PTPRD: variants seen among roughly 807,000 people sequenced by gnomAD.
PTPRD encodes the protein receptor-type tyrosine-protein phosphatase delta.
Under a neutral mutation model 214.5 loss-of-function variants are expected in PTPRD, and 34 were observed. The observed-to-expected ratio is 0.16, with a 90% CI of 0.12 to 0.21. The LOEUF is 0.21. PTPRD is among the 10% of genes least tolerant of loss of function. The pLI is 1.00. For synonymous variants in PTPRD, 1,128 were observed against 845.7 expected (o/e 1.33, Z -5.79); for missense variants, 2,545 against 2,398.7 (o/e 1.06, Z -1.27).
intron 9 of PTPRD, among the ~76,000 whole-genome samples, chr9:9,385,056 G>C (rs1287787372): frequency 1.3e-5 from 2 of 151,944 alleles, no homozygotes; most frequent in African/African-American, 4.8e-5. Context: ...TTTATTTCCT[G>C]ACTGAAGCTC....
intron 10 of PTPRD, among the ~76,000 whole-genome samples, chr9:9,077,274 C>T (rs1011937708): frequency 4.0e-5 from 6 of 151,376 alleles, no homozygotes; most frequent in Non-Finnish European, 8.8e-5. Context: ...TGTCTCTTCA[C>T]TATGTTGAAT....
intron 4 of PTPRD, among the ~76,000 whole-genome samples, chr9:9,962,186 G>A (rs548289234): frequency 6.6e-6 from 1 of 152,000 alleles, no homozygotes; most frequent in Admixed American, 6.6e-5. Context: ...AGCAATGAAG[G>A]CTGAACATAT....
At chr9:9,816,072 A>G (rs142653277) in intron 5 of PTPRD, among the ~76,000 whole-genome samples, 2 of 152,262 alleles carry the variant, frequency 1.3e-5, no homozygotes, top group African/African-American at 2.4e-5. Context: ...TGTGGTCATC[A>G]TTTTACAATA....
At chr9:9,650,117 G>A (rs951419560) in intron 7 of PTPRD, among the ~76,000 whole-genome samples, 3 of 152,086 alleles carry the variant, frequency 2.0e-5, no homozygotes, top group Non-Finnish European at 2.9e-5. Context: ...CCCCCATGCT[G>A]TTCTCACAAC....
intron 3 of PTPRD, among the ~76,000 whole-genome samples, chr9:10,305,400 A>G (rs2096025754): frequency 6.6e-6 from 1 of 150,838 alleles, no homozygotes; most frequent in South Asian, 2.1e-4. Flanking sequence ...AAAAAAAAAA[A>G]AAAGCCAAAA....
intron 45 of PTPRD, among the ~76,000 whole-genome samples, chr9:8,318,767 G>C (rs562609979): frequency 1.3e-5 from 2 of 151,966 alleles, no homozygotes; most frequent in African/African-American, 4.8e-5. Flanking sequence ...TTCAGACAAC[G>C]AAGAACACTA....
chr9:8,983,368 C>G (rs2099323501), intron 11 of PTPRD, among the ~76,000 whole-genome samples: 1 of 152,016 alleles, frequency 6.6e-6, no homozygotes, highest in African/African-American at 2.4e-5. Flanking sequence ...AAAATATACT[C>G]AATTTATAAT....
chr9:9,697,117 T>A (rs1324920155), intron 7 of PTPRD, among the ~76,000 whole-genome samples: 13 of 152,244 alleles, frequency 8.5e-5, no homozygotes, highest in Non-Finnish European at 1.3e-4. Flanking sequence ...TGCCTCAATT[T>A]ACATATTTTT....
chr9:9,282,566 T>C (rs914083575), intron 9 of PTPRD, among the ~76,000 whole-genome samples: 2 of 151,402 alleles, frequency 1.3e-5, no homozygotes, highest in Admixed American at 1.3e-4. Flanking sequence ...GGTTTGATTC[T>C]GACTGCATAA....
At chr9:10,341,144 T>C (rs1033384079) in intron 2 of PTPRD, 127 bp from the exon 3 acceptor site, 6 of 151,916 alleles carry the variant, frequency 3.9e-5, no homozygotes, top group Non-Finnish European at 8.8e-5. Flanking sequence ...AGCAGAGTTG[T>C]TCTGAATAAT....
At position 8,513,437 on chromosome 9, in the gene PTPRD, C is replaced by T. The variant is rs956499470; in HGVS notation, c.1543+4411G>A. On this transcript the variant is annotated intron_variant, in intron 21 of 45. Transcript: ENST00000381196. ...TCCTAAATACTGTTCTTTTGGAATC[C>T]GGTTTCAAACAAAAACAGGAATGTG... Among the ~76,000 whole-genome samples, 46 of 151,828 alleles carry T rather than the reference C, an allele frequency of 3.0e-4. 1 individual carries two copies. Among genetic ancestry groups the T allele is most frequent in the Admixed American group, 1.7e-3 (26 of 15,226 alleles).
chr9:10,207,986 T>G (rs62538584), intron 3 of PTPRD, among the ~76,000 whole-genome samples: 15,525 of 152,260 alleles, frequency 0.1, 899 homozygotes, highest in Non-Finnish European at 0.13. Context: ...TTTGTATTAT[T>G]AACATTTTCC....
intron 10 of PTPRD, among the ~76,000 whole-genome samples, chr9:9,097,575 A>G (rs1290130189): frequency 1.3e-5 from 2 of 151,286 alleles, no homozygotes; most frequent in Non-Finnish European, 2.9e-5. Context: ...TGCCAGGCTA[A>G]TTTTTTTTGT....
At position 10,311,668 on chromosome 9, in the gene PTPRD, G is replaced by C. The variant is rs116809153; in HGVS notation, c.-545+29295C>G. Among the ~76,000 whole-genome samples the C allele has an allele frequency of 3.5e-3, 528 of 152,140 alleles. 3 individuals carry two copies. Among genetic ancestry groups the C allele is most frequent in the African/African-American group, 0.012 (504 of 41,540 alleles). ...AGCACATAAAGCTACCTTTAAAACA[G>C]AAAAGTTAGCATATTTTTTCAGGTT... is the stretch of plus-strand genomic sequence containing the variant. On this transcript the variant is annotated intron_variant, in intron 3 of 45. Coordinates refer to ENST00000381196, the MANE Select transcript of PTPRD (RefSeq NM_002839.4).
chr9:8,925,580 C>G (rs1168677151), intron 11 of PTPRD, among the ~76,000 whole-genome samples: 2 of 109,276 alleles, frequency 1.8e-5, no homozygotes, highest in African/African-American at 7.4e-5. Context: ...CCCCCGCCAA[C>G]CAAGATATTT....
At chr9:10,265,743 T>C (rs928973642) in intron 3 of PTPRD, among the ~76,000 whole-genome samples, 1 of 152,178 alleles carries the variant, frequency 6.6e-6, no homozygotes, top group Non-Finnish European at 1.5e-5. Context: ...ACCTGATCCA[T>C]AGGCAACAGT....
intron 39 of PTPRD, among the ~76,000 whole-genome samples, chr9:8,357,070 T>C (rs1251964520): frequency 6.6e-6 from 1 of 152,186 alleles, no homozygotes; most frequent in African/African-American, 2.4e-5. Flanking sequence ...ATATCTATTT[T>C]ACATAAGCTA....
At chr9:9,677,372 G>A (rs2096955527) in intron 7 of PTPRD, among the ~76,000 whole-genome samples, 1 of 151,806 alleles carries the variant, frequency 6.6e-6, no homozygotes, top group South Asian at 2.1e-4. Flanking sequence ...CCAGCACCAT[G>A]ATCAAGTGGG....
chr9:10,133,614 T>TA (rs1249744922), intron 3 of PTPRD, among the ~76,000 whole-genome samples: 1 of 152,150 alleles, frequency 6.6e-6, no homozygotes, highest in Non-Finnish European at 1.5e-5. Flanking sequence ...GACTATATAG[T>TA]ATGAAATATA....
Sources: gnomAD v4.1 joint callset for allele counts (sites outside exome capture counted in the v4.1 genomes callset) on GRCh38, gnomAD v4.1.1 for gene constraint, MANE v1.5 for transcripts, NCBI Gene and HGNC (gene_info 2026-07-23, HGNC 2026-07-21) for gene names.